DGKB: variants seen among roughly 807,000 people sequenced by gnomAD.
DGKB encodes the protein 90 kDa diacylglycerol kinase.
In DGKB, 67 loss-of-function variants were observed where a neutral mutation model predicts 114.3. The observed-to-expected ratio is 0.59, with a 90% confidence interval of 0.48 to 0.72. The LOEUF (loss-of-function observed/expected upper bound fraction) is 0.72. Among genes scored for constraint, DGKB ranks in the 30% least tolerant of loss-of-function variants. The pLI, the probability that DGKB is intolerant of heterozygous loss-of-function variation, is 0.00. For missense variants in DGKB, 907 were observed against 975.2 expected, an observed-to-expected ratio of 0.93 and a Z score of 0.93; for synonymous variants, 398 against 323.1, an observed-to-expected ratio of 1.23 and a Z score of -2.49.
chr7:14,972,174 T>A (rs924490669), intron 1 of DGKB, among the ~76,000 whole-genome samples: 17 of 152,162 alleles, frequency 1.1e-4, no homozygotes, highest in Non-Finnish European at 5.9e-5. Flanking sequence ...ACAAGTGCCA[T>A]TTTCACCATG....
At chr7:14,572,553 C>G (rs1288381364) in intron 20 of DGKB, among the ~76,000 whole-genome samples, 2 of 151,618 alleles carry the variant, frequency 1.3e-5, no homozygotes, top group Non-Finnish European at 2.9e-5. Context: ...ACAAAAGAAC[C>G]AAGTAGAAAT....
chr7:14,907,869 C>A (rs1020904675), upstream of DGKB, among the ~76,000 whole-genome samples: 2 of 152,174 alleles, frequency 1.3e-5, no homozygotes, highest in African/African-American at 4.8e-5. Flanking sequence ...GATATTCAGT[C>A]AAACTTTCTG....
intron 23 of DGKB, among the ~76,000 whole-genome samples, chr7:14,235,433 G>A (rs1258324014): frequency 6.6e-6 from 1 of 151,968 alleles, no homozygotes; most frequent in East Asian, 1.9e-4. Flanking sequence ...AATTCATTCT[G>A]TACAACAGAG....
intron 20 of DGKB, among the ~76,000 whole-genome samples, chr7:14,528,399 T>A (rs1034801626): frequency 6.6e-6 from 1 of 152,062 alleles, no homozygotes; most frequent in Non-Finnish European, 1.5e-5. Context: ...TGTAATTACA[T>A]GGTAATTATT....
intron 20 of DGKB, among the ~76,000 whole-genome samples, chr7:14,534,464 T>C (rs934292040): frequency 1.3e-5 from 2 of 152,050 alleles, no homozygotes; most frequent in Admixed American, 6.6e-5. Context: ...CAATATTCAC[T>C]TTAAATGTAA....
chr7:14,853,081 T>C (rs1849621545), intron 1 of DGKB, among the ~76,000 whole-genome samples: 1 of 152,184 alleles, frequency 6.6e-6, no homozygotes, highest in Non-Finnish European at 1.5e-5. Context: ...GAAAATAATC[T>C]ACTCTAATGC....
chr7:14,716,284 TCCCA>T (rs1196306696), intron 6 of DGKB, among the ~76,000 whole-genome samples: 1 of 152,118 alleles, frequency 6.6e-6, no homozygotes, highest in Non-Finnish European at 1.5e-5. Context: ...CATTTTCAGA[TCCCA>T]CCCCAGGCCA....
chr7:14,400,603 A>C (rs188226268), intron 21 of DGKB, among the ~76,000 whole-genome samples: 1 of 151,650 alleles, frequency 6.6e-6, no homozygotes, highest in Non-Finnish European at 1.5e-5. Flanking sequence ...TTTTATTTCC[A>C]GTATTTAATG....
At chr7:14,183,436 G>A (rs1324442946) in intron 23 of DGKB, among the ~76,000 whole-genome samples, 1 of 152,192 alleles carries the variant, frequency 6.6e-6, no homozygotes, top group African/African-American at 2.4e-5. Flanking sequence ...CAGAGTACAA[G>A]TATGTAAAAC....
At chr7:14,738,388 G>A (rs1351486949) in intron 4 of DGKB, among the ~76,000 whole-genome samples, 2 of 152,166 alleles carry the variant, frequency 1.3e-5, no homozygotes, top group Admixed American at 1.3e-4. Context: ...CAGATGATAA[G>A]GGGCATGGTC....
intron 23 of DGKB, among the ~76,000 whole-genome samples, chr7:14,319,728 A>G (rs1242900946): frequency 2.6e-5 from 4 of 152,202 alleles, no homozygotes; most frequent in Non-Finnish European, 5.9e-5. Flanking sequence ...TAAATCCTCT[A>G]AAGAGTCAAT....
At chr7:14,530,493 C>T (rs1791402046) in intron 20 of DGKB, among the ~76,000 whole-genome samples, 1 of 151,436 alleles carries the variant, frequency 6.6e-6, no homozygotes, top group Admixed American at 6.6e-5. Context: ...CTTATATAAC[C>T]TTCAATTTAA....
intron 25 of DGKB, among the ~76,000 whole-genome samples, chr7:14,157,029 C>A (rs563807298): frequency 1.3e-5 from 2 of 152,110 alleles, no homozygotes; most frequent in East Asian, 1.9e-4. Flanking sequence ...AAATATTCAC[C>A]CTGTATCTAG....
intron 21 of DGKB, among the ~76,000 whole-genome samples, chr7:14,396,235 ATTTG>A (rs906179518): frequency 5.3e-5 from 8 of 152,088 alleles, no homozygotes; most frequent in Non-Finnish European, 1.2e-4. Flanking sequence ...TTTACTGAAG[ATTTG>A]TTTATTTGAT....
At chr7:14,732,503 T>C (rs578122323) in intron 5 of DGKB, among the ~76,000 whole-genome samples, 31 of 152,212 alleles carry the variant, frequency 2.0e-4, no homozygotes, top group African/African-American at 6.7e-4. Context: ...AATTTTATTG[T>C]TGTCTATTGT....
At chr7:14,492,450 C>T (rs1013349528) in intron 20 of DGKB, among the ~76,000 whole-genome samples, 1 of 151,876 alleles carries the variant, frequency 6.6e-6, no homozygotes, top group Admixed American at 6.6e-5. Flanking sequence ...TCATGTTTTT[C>T]CAACCTAAAA....
At chr7:14,159,254 G>C (rs1285408312) in intron 25 of DGKB, among the ~76,000 whole-genome samples, 1 of 152,018 alleles carries the variant, frequency 6.6e-6, no homozygotes, top group Non-Finnish European at 1.5e-5. Context: ...TTCCCACACT[G>C]TACTGTTTTC....
chr7:14,494,692 T>C (rs892496352), intron 20 of DGKB, among the ~76,000 whole-genome samples: 1 of 151,884 alleles, frequency 6.6e-6, no homozygotes, highest in African/African-American at 2.4e-5. Context: ...ATATGCAAAG[T>C]GAATAGAAGG....
rs1406593066 is a variant in DGKB, at chr7:14,189,589, T to G, written c.2123-11438A>C. 2.6e-5 allele frequency among the ~76,000 whole-genome samples: 4 copies of G among 152,164 alleles called. No individual in the cohort carries two copies. In the South Asian group the frequency reaches 8.3e-4, roughly 32 times the overall value. Reference sequence around the variant, plus strand: ...TAACCTTGAATGTAAATGGATTAAATTTTCCCATTAAGAGACAGAATGGCT... The same window carrying G: ...TAACCTTGAATGTAAATGGATTAAAGTTTCCCATTAAGAGACAGAATGGCT... On this transcript the variant is annotated intron_variant, in intron 23 of 25. Transcript: ENST00000402815.
Sources: allele counts gnomAD v4.1 joint callset (sites outside exome capture counted in the v4.1 genomes callset), GRCh38; gene constraint gnomAD v4.1.1; transcripts MANE v1.5; gene names NCBI Gene and HGNC (gene_info 2026-07-23, HGNC 2026-07-21).